MBOAT2: variants seen among roughly 807,000 people sequenced by gnomAD.
The protein encoded by MBOAT2 is membrane-bound glycerophospholipid O-acyltransferase 2.
In MBOAT2, 28 loss-of-function variants were observed where a neutral mutation model predicts 63.4. The ratio of observed to expected loss-of-function variants is 0.44; its 90% CI spans 0.33 to 0.61. The LOEUF (loss-of-function observed/expected upper bound fraction) is 0.61. Among genes scored for constraint, MBOAT2 ranks in the 20% least tolerant of loss-of-function variants. MBOAT2 has a pLI of 0.03. For synonymous variants in MBOAT2, 211 were observed against 215.6 expected (o/e 0.98, Z 0.19); for missense variants, 470 against 605.8 (o/e 0.78, Z 2.35).
intron 4 of MBOAT2, among the ~76,000 whole-genome samples, chr2:8,894,005 GGTTT>G (rs996685379): frequency 1.3e-5 from 2 of 152,020 alleles, no homozygotes; most frequent in African/African-American, 4.8e-5. Flanking sequence ...AGATCGTGCA[GGTTT>G]GTTACATAGG....
chr2:8,858,955 T>C, intron 12 of MBOAT2, 51 bp from the exon 13 acceptor site: 1 of 1,326,478 alleles, frequency 7.5e-7, no homozygotes, highest in East Asian at 2.4e-5. Context: ...TAATAATCCT[T>C]AATAACTGCA....
intron 3 of MBOAT2, among the ~76,000 whole-genome samples, chr2:8,919,193 T>G (rs1341031751): frequency 6.6e-6 from 1 of 152,222 alleles, no homozygotes; most frequent in Non-Finnish European, 1.5e-5. Flanking sequence ...TTTTAGCTAT[T>G]ATGAATAGTG....
At chr2:8,896,210 G>A (rs1171174887) in intron 4 of MBOAT2, among the ~76,000 whole-genome samples, 2 of 145,018 alleles carry the variant, frequency 1.4e-5, no homozygotes, top group African/African-American at 2.6e-5. Context: ...TTGCTCTCCA[G>A]CCTGGGTGAC....
At chr2:8,991,159 T>C (rs1287321495) in intron 1 of MBOAT2, among the ~76,000 whole-genome samples, 1 of 152,144 alleles carries the variant, frequency 6.6e-6, no homozygotes, top group East Asian at 1.9e-4. Context: ...TCCAGAGTTA[T>C]CACAAAATAA....
At chr2:8,871,145 A>G (rs994881456) in intron 8 of MBOAT2, among the ~76,000 whole-genome samples, 1 of 151,932 alleles carries the variant, frequency 6.6e-6, no homozygotes, top group Admixed American at 6.6e-5. Flanking sequence ...CAGGTGTGCA[A>G]CACCACACCT....
intron 1 of MBOAT2, among the ~76,000 whole-genome samples, chr2:8,994,905 T>C (rs558412968): frequency 7.9e-5 from 12 of 151,948 alleles, no homozygotes; most frequent in African/African-American, 2.9e-4. Context: ...AGAGAGAAAA[T>C]GTATTGAGGA....
At chr2:8,974,279 C>A (rs1670662947) in intron 1 of MBOAT2, 1 of 441,590 alleles carries the variant, frequency 2.3e-6, no homozygotes, top group Non-Finnish European at 4.6e-6. Context: ...TGCTGCAATT[C>A]TGTTCAATGA....
At chr2:8,916,295 G>A (rs1199851095) in intron 3 of MBOAT2, among the ~76,000 whole-genome samples, 1 of 152,100 alleles carries the variant, frequency 6.6e-6, no homozygotes, top group Non-Finnish European at 1.5e-5. Flanking sequence ...TATAAATTGG[G>A]ATTTCTGCTC....
chr2:8,912,419 G>A (rs578070170), intron 3 of MBOAT2, among the ~76,000 whole-genome samples: 42 of 147,976 alleles, frequency 2.8e-4, no homozygotes, highest in African/African-American at 1.1e-3. Flanking sequence ...AAGAAAGACA[G>A]GCCGGCCGGC....
At chr2:8,904,608 G>A (rs1665199459) in intron 4 of MBOAT2, among the ~76,000 whole-genome samples, 1 of 152,124 alleles carries the variant, frequency 6.6e-6, no homozygotes, top group South Asian at 2.1e-4. Flanking sequence ...ACTGCACCCA[G>A]TCACAATACT....
chr2:8,987,820 C>T (rs2103353787), intron 1 of MBOAT2, among the ~76,000 whole-genome samples: 1 of 152,290 alleles, frequency 6.6e-6, no homozygotes, highest in Non-Finnish European at 1.5e-5. Flanking sequence ...CATACACACA[C>T]ACTCTAATAA....
intron 1 of MBOAT2, among the ~76,000 whole-genome samples, chr2:8,967,596 T>C (rs1670085500): frequency 6.6e-6 from 1 of 152,172 alleles, no homozygotes; most frequent in Non-Finnish European, 1.5e-5. Context: ...AAAACTAATA[T>C]TGAAATATAA....
intron 1 of MBOAT2, among the ~76,000 whole-genome samples, chr2:8,965,764 T>TA (rs1480996939): frequency 6.6e-6 from 1 of 152,118 alleles, no homozygotes; most frequent in African/African-American, 2.4e-5. Flanking sequence ...ACTGTTCAAA[T>TA]ATGATAGCCA....
chr2:8,877,133 T>G lies in MBOAT2; in HGVS notation c.587A>C (p.Lys196Thr). 6.2e-7 allele frequency: 1 copy of G among 1,614,162 alleles called. No homozygotes were observed. The highest frequency in any genetic ancestry group is 8.5e-7 in the Non-Finnish European group (1 of 1,180,020). Residue 196 changes from lysine to threonine, a missense_variant, in exon 7 of 13, where the codon AAA becomes ACA. Lys to Thr is a moderately conservative substitution (Grantham distance 78). Coordinates refer to ENST00000305997, the MANE Select transcript of MBOAT2 (RefSeq NM_138799.4). Reference protein sequence around the residue: ...GILAGPLCSYKDYITFIEGRS... With the variant: ...GILAGPLCSYTDYITFIEGRS... ...GCCTTCAATGAAAGTAATGTAGTCT[T>G]TGTAAGAGCAAAGTGGGCCTGCCAG...
At chr2:8,978,414 T>C (rs1412560674) in intron 1 of MBOAT2, among the ~76,000 whole-genome samples, 1 of 152,208 alleles carries the variant, frequency 6.6e-6, no homozygotes, top group African/African-American at 2.4e-5. Flanking sequence ...TTTCATTATA[T>C]AAAATGATCT....
intron 3 of MBOAT2, among the ~76,000 whole-genome samples, chr2:8,911,671 C>G (rs566278819): frequency 2.0e-5 from 3 of 152,066 alleles, no homozygotes; most frequent in Non-Finnish European, 4.4e-5. Context: ...TAAAAACAGC[C>G]TGGCACCTCA....
At chr2:8,930,479 T>C (rs1030702933) in intron 3 of MBOAT2, among the ~76,000 whole-genome samples, 4 of 152,198 alleles carry the variant, frequency 2.6e-5, no homozygotes, top group East Asian at 3.9e-4. Flanking sequence ...CAGTCTATCA[T>C]TGTTGGACAT....
intron 4 of MBOAT2, among the ~76,000 whole-genome samples, chr2:8,892,619 A>G (rs74841891): frequency 0.052 from 7,843 of 152,284 alleles, 195 homozygotes; most frequent in Middle Eastern, 0.061. Context: ...ATAAACAGGT[A>G]AAAGACACAG....
chr2:8,974,343 C>T (rs1037080827), intron 1 of MBOAT2: 4 of 456,222 alleles, frequency 8.8e-6, no homozygotes, highest in African/African-American at 6.0e-5. Context: ...AAAAGGGATA[C>T]AACAAAGATA....
Sources: gnomAD v4.1 joint callset for allele counts (sites outside exome capture counted in the v4.1 genomes callset) on GRCh38, gnomAD v4.1.1 for gene constraint, MANE v1.5 for transcripts, NCBI Gene and HGNC (gene_info 2026-07-23, HGNC 2026-07-21) for gene names.